Variants in FHIT observed in about 807,000 individuals in gnomAD.
FHIT encodes the protein bis(5'-adenosyl)-triphosphatase.
In FHIT, 19 loss-of-function variants were observed where a neutral mutation model predicts 17.9. The observed-to-expected ratio is 1.06, with a 90% CI of 0.74 to 1.56. The LOEUF is 1.56. Among genes scored for constraint, FHIT ranks in the 40% most tolerant of loss-of-function variants. FHIT has a pLI of 0.00. For missense variants in FHIT, 248 were observed against 189.2 expected (o/e 1.31, Z -1.82); for synonymous variants, 81 against 69.7 (o/e 1.16, Z -0.81).
At chr3:60,441,741 T>TAAATATATATATAC (rs1559915990) in intron 5 of FHIT, among the ~76,000 whole-genome samples, 1 of 98,856 alleles carries the variant, frequency 1.0e-5, no homozygotes, top group Non-Finnish European at 1.9e-5. Context: ...TATATATATA[T>TAAATATATATATAC]ATTTATATAT....
intron 8 of FHIT, among the ~76,000 whole-genome samples, chr3:59,920,589 T>G (rs550347369): frequency 6.6e-6 from 1 of 152,318 alleles, no homozygotes; most frequent in South Asian, 2.1e-4. Context: ...CGACAAGATT[T>G]CAAGGTGACT....
At position 59,856,363 on chromosome 3, in the gene FHIT, G is replaced by A. The variant is rs191989547; in HGVS notation, c.348+65983C>T. 3.0e-4 allele frequency among the ~76,000 whole-genome samples: 46 copies of A among 152,122 alleles called. 1 individual carries two copies. The highest frequency in any genetic ancestry group is 1.0e-3 in the African/African-American group (43 of 41,498). ...AACATCACACCAGGTGATTTTACAC[G>A]CAAATTTTTCCCAATGTTCAAGGAA... On this transcript the variant is annotated intron_variant, in intron 8 of 9. Transcript: ENST00000492590.
intron 7 of FHIT, among the ~76,000 whole-genome samples, chr3:59,951,211 A>C (rs1707099059): frequency 6.6e-6 from 1 of 152,176 alleles, no homozygotes. Flanking sequence ...TGGAAGAGCT[A>C]ATGTGTGTTC....
intron 2 of FHIT, among the ~76,000 whole-genome samples, chr3:61,048,023 T>C (rs1482137704): frequency 6.6e-6 from 1 of 151,206 alleles, no homozygotes; most frequent in Non-Finnish European, 1.5e-5. Context: ...ATAAAAACCC[T>C]AGAAGAAAAC....
intron 8 of FHIT, among the ~76,000 whole-genome samples, chr3:59,780,718 CAAG>C (rs938766945): frequency 1.3e-5 from 2 of 152,208 alleles, no homozygotes; most frequent in African/African-American, 4.8e-5. Context: ...GAGGATACCT[CAAG>C]AAGGTGAACC....
intron 8 of FHIT, among the ~76,000 whole-genome samples, chr3:59,891,634 G>A (rs1703860191): frequency 6.6e-6 from 1 of 152,204 alleles, no homozygotes; most frequent in African/African-American, 2.4e-5. Context: ...CTGACGGTAG[G>A]TCTGGAGTGG....
chr3:59,821,907 C>G (rs190496110), intron 8 of FHIT, among the ~76,000 whole-genome samples: 1,649 of 152,254 alleles, frequency 0.011, 35 homozygotes, highest in African/African-American at 0.036. Flanking sequence ...AACACCTGAA[C>G]AGTATACACT....
intron 8 of FHIT, among the ~76,000 whole-genome samples, chr3:59,789,742 T>G (rs1196473142): frequency 6.6e-6 from 1 of 152,186 alleles, no homozygotes. Context: ...GAATCTAGTT[T>G]TCAGGGCCCC....
intron 8 of FHIT, among the ~76,000 whole-genome samples, chr3:59,798,356 T>C (rs946256517): frequency 1.3e-5 from 2 of 152,172 alleles, no homozygotes. Flanking sequence ...AAATTCTCAC[T>C]AGAAGAGCAA....
At chr3:61,038,279 C>A (rs1417130592) in intron 3 of FHIT, among the ~76,000 whole-genome samples, 1 of 152,006 alleles carries the variant, frequency 6.6e-6, no homozygotes, top group Admixed American at 6.6e-5. Context: ...AAAACATTTA[C>A]GTTAAATCAA....
At chr3:60,182,239 T>A (rs564999436) in intron 5 of FHIT, among the ~76,000 whole-genome samples, 6 of 152,304 alleles carry the variant, frequency 3.9e-5, no homozygotes, top group African/African-American at 1.4e-4. Context: ...CGGGATTGAC[T>A]AAATCCTGCT....
At chr3:61,102,010 C>A (rs1322124593) in intron 2 of FHIT, among the ~76,000 whole-genome samples, 1 of 152,068 alleles carries the variant, frequency 6.6e-6, no homozygotes, top group Non-Finnish European at 1.5e-5. Flanking sequence ...ACAGGGACAA[C>A]TGGACTTCCT....
chr3:60,109,303 T>C (rs1704567821), intron 5 of FHIT, among the ~76,000 whole-genome samples: 1 of 152,180 alleles, frequency 6.6e-6, no homozygotes, highest in African/African-American at 2.4e-5. Flanking sequence ...CACAAGGAAT[T>C]TATCAGCAGA....
At chr3:60,398,360 A>G (rs1373048584) in intron 5 of FHIT, among the ~76,000 whole-genome samples, 1 of 152,194 alleles carries the variant, frequency 6.6e-6, no homozygotes, top group African/African-American at 2.4e-5. Context: ...AAAGACTCAT[A>G]AAGGACAATG....
chr3:61,224,863 C>A (rs988815341), intron 1 of FHIT, among the ~76,000 whole-genome samples: 2 of 152,172 alleles, frequency 1.3e-5, no homozygotes, highest in Non-Finnish European at 2.9e-5. Flanking sequence ...GACACACACA[C>A]ACACATATAT....
intron 5 of FHIT, among the ~76,000 whole-genome samples, chr3:60,043,108 G>C (rs113137190): frequency 0.014 from 2,168 of 152,240 alleles, 24 homozygotes; most frequent in Non-Finnish European, 0.022. Context: ...GAAGGACTTT[G>C]GGCTTCTACT....
At chr3:60,664,574 G>A (rs895383572) in intron 4 of FHIT, among the ~76,000 whole-genome samples, 1 of 151,290 alleles carries the variant, frequency 6.6e-6, no homozygotes, top group African/African-American at 2.4e-5. Context: ...TTTAACATTT[G>A]GTATAATTCT....
At chr3:60,676,395 G>A (rs1553695431) in intron 4 of FHIT, among the ~76,000 whole-genome samples, 1 of 152,170 alleles carries the variant, frequency 6.6e-6, no homozygotes, top group Non-Finnish European at 1.5e-5. Context: ...AATCTGGAAA[G>A]GACGATGGTT....
chr3:61,011,882 T>G (rs2031810833), intron 3 of FHIT, among the ~76,000 whole-genome samples: 1 of 152,174 alleles, frequency 6.6e-6, no homozygotes, highest in African/African-American at 2.4e-5. Context: ...TATTTCAGAC[T>G]GAGAACTCAG....
Sources: gnomAD v4.1 joint callset for allele counts (sites outside exome capture counted in the v4.1 genomes callset) on GRCh38, gnomAD v4.1.1 for gene constraint, MANE v1.5 for transcripts, NCBI Gene and HGNC (gene_info 2026-07-23, HGNC 2026-07-21) for gene names.